The following TNFRSF9 variants were observed in gnomAD, a reference collection of about 807,000 sequenced individuals.
TNFRSF9 encodes the protein TNF receptor superfamily member 9, also known as tumor necrosis factor receptor superfamily member 9.
A neutral mutation model predicts 28.8 loss-of-function variants in TNFRSF9; 16 were observed. That is an observed-to-expected ratio of 0.55 (90% CI 0.38 to 0.84). The LOEUF (loss-of-function observed/expected upper bound fraction) is 0.84. TNFRSF9 is among the 40% of genes least tolerant of loss of function. TNFRSF9 has a pLI of 0.00. For missense variants in TNFRSF9, 303 were observed against 315.0 expected (o/e 0.96, Z 0.29); for synonymous variants, 131 against 117.0 (o/e 1.12, Z -0.77).
rs2151418566 is a variant in TNFRSF9 at position 7,935,042 on chromosome 1, A to G, written c.515T>C (p.Val172Ala). ...PADLSPGASSVTPPAPAREPG... is the reference protein window; with the variant it reads ...PADLSPGASSATPPAPAREPG... ...CTCTCTCGCAGGGGCAGGCGGGGTC[A>G]CAGAGGATGCTCCCGGAGAGAGGTC... The change falls in exon 6 of 8, where the codon GTG becomes GCG. Residue 172 changes from valine to alanine, a missense_variant. Coordinates refer to ENST00000377507, the MANE Select transcript of TNFRSF9 (RefSeq NM_001561.6). 1 of 1,614,288 alleles carries G rather than the reference A, an allele frequency of 6.2e-7. No individual in the cohort carries two copies. Among genetic ancestry groups the G allele is most frequent in the East Asian group, 2.2e-5 (1 of 44,884 alleles).
intron 5 of TNFRSF9, among the ~76,000 whole-genome samples, chr1:7,935,479 C>T (rs1260548227): frequency 1.3e-5 from 2 of 152,148 alleles, no homozygotes; most frequent in African/African-American, 4.8e-5. Flanking sequence ...TCAGGCAAAC[C>T]AGGGTTTGAG....
At chr1:7,925,519 G>T (rs993647887) in intron 7 of TNFRSF9, among the ~76,000 whole-genome samples, 2 of 152,134 alleles carry the variant, frequency 1.3e-5, no homozygotes, top group Non-Finnish European at 2.9e-5. Flanking sequence ...TGGGTGGGGG[G>T]ATGGTTTCAG....
chr1:7,929,548 G>C (rs960541397), intron 7 of TNFRSF9, among the ~76,000 whole-genome samples: 1 of 151,882 alleles, frequency 6.6e-6, no homozygotes, highest in Admixed American at 6.6e-5. Context: ...TGCTACTCCT[G>C]AAAAAATATA....
At chr1:7,921,403 C>T (rs1639556897) in intron 7 of TNFRSF9, among the ~76,000 whole-genome samples, 1 of 151,084 alleles carries the variant, frequency 6.6e-6, no homozygotes, top group Non-Finnish European at 1.5e-5. Context: ...CGCAGTGGCT[C>T]ATGCCTGTAA....
intron 7 of TNFRSF9, among the ~76,000 whole-genome samples, chr1:7,931,760 T>C (rs962435064): frequency 3.3e-5 from 5 of 152,278 alleles, no homozygotes; most frequent in African/African-American, 1.2e-4. Flanking sequence ...AAACTTTACA[T>C]TTATGCATTT....
chr1:7,938,734 G>A lies in TNFRSF9; in HGVS notation c.195C>T (p.Cys65=), dbSNP rs766596112. The A allele has an allele frequency of 6.2e-6, 10 of 1,611,794 alleles. No individual in the cohort carries two copies. The highest frequency in any genetic ancestry group is 3.3e-5 in the Admixed American group (2 of 59,928). ...TTGAACTCATACCTTTACACTGCCT[G>A]CATATGTCACAGGTCCTTTGTCCAC... ...SAGGQRTCDI[C]RQCKGVFRTR... The change falls in exon 3 of 8, where the codon TGC becomes TGT. Residue 65 remains cysteine, a synonymous_variant. Transcript: ENST00000377507.
chr1:7,937,598 G>T, intron 5 of TNFRSF9, 92 bp downstream of exon 5: 1 of 995,260 alleles, frequency 1.0e-6, no homozygotes, highest in South Asian at 1.3e-5. Flanking sequence ...ACACTTGATG[G>T]GTGCAAAAAA....
intron 5 of TNFRSF9, among the ~76,000 whole-genome samples, chr1:7,935,970 C>T (rs1157956856): frequency 2.0e-5 from 3 of 152,200 alleles, no homozygotes; most frequent in Non-Finnish European, 4.4e-5. Context: ...TCACCATCAT[C>T]GCCATCATTG....
At chr1:7,930,949 T>C (rs1639724360) in intron 7 of TNFRSF9, among the ~76,000 whole-genome samples, 1 of 152,180 alleles carries the variant, frequency 6.6e-6, no homozygotes, top group South Asian at 2.1e-4. Flanking sequence ...CAGACAATCC[T>C]ATGAGAAAAT....
intron 7 of TNFRSF9, among the ~76,000 whole-genome samples, chr1:7,922,459 A>T (rs11121054): frequency 0.055 from 8,384 of 152,162 alleles, 1,191 homozygotes; most frequent in East Asian, 0.51. Flanking sequence ...TTTCCCTCTG[A>T]CTGGGAACTA....
At chr1:7,923,834 C>G (rs1000692394) in intron 7 of TNFRSF9, among the ~76,000 whole-genome samples, 4 of 152,028 alleles carry the variant, frequency 2.6e-5, no homozygotes, top group African/African-American at 4.8e-5. Flanking sequence ...CAAGCAAGAC[C>G]CTGACTTCTA....
chr1:7,925,006 TA>T (rs1553339885), intron 7 of TNFRSF9, among the ~76,000 whole-genome samples: 2 of 152,060 alleles, frequency 1.3e-5, no homozygotes, highest in African/African-American at 4.8e-5. Context: ...GTCAAAAAGT[TA>T]AAAAAAATTT....
At position 7,916,596 on chromosome 1, in the gene TNFRSF9, A is replaced by G. The variant is rs1278882079; in HGVS notation, c.*4239T>C. 1 of 152,192 alleles carries G rather than the reference A, an allele frequency of 6.6e-6. No individual in the cohort carries two copies. Among genetic ancestry groups the G allele is most frequent in the African/African-American group, 2.4e-5 (1 of 41,456 alleles). The allele number at this position is 152,192 out of a possible 1,614,324, so 9.4% of individuals were successfully genotyped here. Reference sequence around the variant, plus strand: ...GTTTGTGGATAGTCAGCAGTAGGTAATTAAACACCATGTGTCCAAAGCCAA... The same window carrying G: ...GTTTGTGGATAGTCAGCAGTAGGTAGTTAAACACCATGTGTCCAAAGCCAA... On this transcript the variant is annotated 3_prime_UTR_variant, in exon 8 of 8. Transcript: ENST00000377507.
At chr1:7,923,761 C>T (rs28792989) in intron 7 of TNFRSF9, among the ~76,000 whole-genome samples, 1 of 152,128 alleles carries the variant, frequency 6.6e-6, no homozygotes, top group East Asian at 1.9e-4. Flanking sequence ...TCACTTGAGC[C>T]CAGGAAGTTG....
At position 7,929,157 on chromosome 1, in the gene TNFRSF9, C is replaced by CTTTTTTTTTTTTTTTTTTTT. The variant is rs1491203940; in HGVS notation, c.679+4004_679+4005insAAAAAAAAAAAAAAAAAAAA. Among the ~76,000 whole-genome samples, 17 of 65,440 alleles carry CTTTTTTTTTTTTTTTTTTTT rather than the reference C, an allele frequency of 2.6e-4. 6 individuals carry two copies. Among genetic ancestry groups the CTTTTTTTTTTTTTTTTTTTT allele is most frequent in the Non-Finnish European group, 3.9e-4 (10 of 25,484 alleles). The allele number at this position is 65,440 out of a possible 152,430, so 42.9% of individuals were successfully genotyped here. A position where few individuals can be genotyped will look rare whatever the true frequency, so the allele number is the denominator to read the frequency against. On this transcript the variant is annotated intron_variant, in intron 7 of 7. Coordinates refer to ENST00000377507, the MANE Select transcript of TNFRSF9 (RefSeq NM_001561.6). ...CTCAGTTTTTCTTTTTTTTCTTTTT[C>CTTTTTTTTTTTTTTTTTTTT]CTTTTTTTTTTTTTTTTTTTTTGAG...
intron 7 of TNFRSF9, 32 bp downstream of exon 7, chr1:7,933,130 C>T (rs1163224617): frequency 1.3e-6 from 2 of 1,560,392 alleles, no homozygotes; most frequent in East Asian, 2.3e-5. Context: ...CCTTGCCTTG[C>T]CAGAGCTGTA....
At chr1:7,923,741 G>T (rs1449491233) in intron 7 of TNFRSF9, among the ~76,000 whole-genome samples, 4 of 152,124 alleles carry the variant, frequency 2.6e-5, no homozygotes, top group African/African-American at 9.7e-5. Context: ...TGGAGGCTGA[G>T]GTGGGAGGAT....
intron 7 of TNFRSF9, among the ~76,000 whole-genome samples, chr1:7,924,246 T>C (rs1639603450): frequency 6.7e-6 from 1 of 148,746 alleles, no homozygotes; most frequent in South Asian, 2.1e-4. Context: ...GTTAGTAGTT[T>C]ATGGACTTAC....
chr1:7,920,867 G>A lies in TNFRSF9; in HGVS notation c.736C>T (p.Pro246Ser), dbSNP rs1341665835. Residue 246 changes from proline (P) to serine (S), a missense_variant, in exon 8 of 8, where the codon CCA becomes TCA. Pro to Ser is a moderately conservative substitution (Grantham distance 74). Coordinates refer to ENST00000377507, the MANE Select transcript of TNFRSF9 (RefSeq NM_001561.6). ...QEEDGCSCRF[P>S]EEEEGGCEL ...TCACATCCTCCTTCTTCTTCTTCTG[G>A]AAATCGGCAGCTACAGCCATCTTCC... The A allele has an allele frequency of 6.2e-7, 1 of 1,613,780 alleles. No homozygotes were observed. Among genetic ancestry groups the A allele is most frequent in the South Asian group, 1.1e-5 (1 of 91,068 alleles).
Sources: allele counts gnomAD v4.1 joint callset (sites outside exome capture counted in the v4.1 genomes callset), GRCh38; gene constraint gnomAD v4.1.1; transcripts MANE v1.5; gene names NCBI Gene and HGNC (gene_info 2026-07-23, HGNC 2026-07-21).